TBCK: variants seen among roughly 807,000 people sequenced by gnomAD.
TBCK encodes the protein TBC domain-containing protein kinase-like protein.
A neutral mutation model predicts 113.4 loss-of-function variants in TBCK; 99 were observed. The ratio of observed to expected loss-of-function variants is 0.87; its 90% CI spans 0.74 to 1.03. The LOEUF (loss-of-function observed/expected upper bound fraction) is 1.03, where lower values mean the gene tolerates loss of function less well. Among genes scored for constraint, TBCK ranks in the 50% least tolerant of loss-of-function variants. The probability of loss-of-function intolerance (pLI) is 0.00; values close to 1 mark genes in which losing one functional copy is unlikely to be tolerated. For synonymous variants in TBCK, 369 were observed against 370.8 expected (o/e 1.00, Z 0.05); for missense variants, 1,045 against 1,061.3 (o/e 0.98, Z 0.21).
chr4:106,219,204 A>G (rs1218003149), intron 19 of TBCK, among the ~76,000 whole-genome samples: 1 of 111,020 alleles, frequency 9.0e-6, no homozygotes. Context: ...GGAACATCAC[A>G]CTCTGGGGCC....
chr4:106,192,831 AGT>A (rs1473352642), intron 22 of TBCK, among the ~76,000 whole-genome samples: 2 of 152,020 alleles, frequency 1.3e-5, no homozygotes, highest in African/African-American at 4.8e-5. Context: ...GATAATTTTA[AGT>A]GTGTTTATTA....
rs73836957 is a variant in TBCK at position 106,054,380 on chromosome 4, C to T, written c.2572-7700G>A. On this transcript the variant is annotated intron_variant, in intron 25 of 25. Transcript: ENST00000394708. Reference sequence around the variant, plus strand: ...AGAATGATTCTCTTAAAATATGAGTCGGATGATATAACACCCTTTGTTCCA... The same window carrying T: ...AGAATGATTCTCTTAAAATATGAGTTGGATGATATAACACCCTTTGTTCCA... Among the ~76,000 whole-genome samples, 1,301 of 151,694 alleles carry T rather than the reference C, an allele frequency of 8.6e-3. 13 individuals are homozygous for T. The highest frequency in any genetic ancestry group is 0.017 in the African/African-American group (724 of 41,474).
At chr4:106,122,189 G>T (rs1379195751) in intron 23 of TBCK, among the ~76,000 whole-genome samples, 1 of 150,958 alleles carries the variant, frequency 6.6e-6, no homozygotes, top group South Asian at 2.1e-4. Context: ...ATGATAAAGG[G>T]GATATCACCA....
At chr4:106,169,449 T>G (rs879426731) in intron 23 of TBCK, among the ~76,000 whole-genome samples, 1 of 152,086 alleles carries the variant, frequency 6.6e-6, no homozygotes, top group Admixed American at 6.6e-5. Context: ...AAAGTCAGTC[T>G]TTTTAACAAA....
intron 3 of TBCK, among the ~76,000 whole-genome samples, chr4:106,286,951 TA>T (rs1219520888): frequency 6.6e-6 from 1 of 152,034 alleles, no homozygotes; most frequent in Non-Finnish European, 1.5e-5. Context: ...AACGGAAATT[TA>T]TCTTTTGAAT....
In TBCK at chr4:106,247,250, T is replaced by A. The variant is rs760474795; in HGVS notation, c.820A>T (p.Ser274Cys). 1.2e-6 allele frequency: 2 copies of A among 1,612,408 alleles called. No homozygotes were observed. The highest frequency in any genetic ancestry group is 1.3e-5 in the African/African-American group (1 of 74,876). Residue 274 changes from serine to cysteine, a missense_variant, in exon 10 of 26, where the codon AGT becomes TGT. Physicochemically the swap from Ser to Cys is moderately radical, Grantham distance 112. Coordinates refer to ENST00000394708, the MANE Select transcript of TBCK (RefSeq NM_001163435.3). The part of the protein sequence containing the change: ...PDQLMKDKVF[S>C]EVSPLYTPFT... ...GGGGTATATAAAGGTGATACCTCAC[T>A]GAATACTTTGTCCTTCATTAATTGA... is the stretch of plus-strand genomic sequence containing the variant.
chr4:106,073,462 C>T (rs1737750048), intron 25 of TBCK, among the ~76,000 whole-genome samples: 1 of 152,208 alleles, frequency 6.6e-6, no homozygotes, highest in African/African-American at 2.4e-5. Context: ...ACAGCAAATA[C>T]TGCTGCCTGA....
chr4:106,265,145 C>A (rs967299792), intron 3 of TBCK, among the ~76,000 whole-genome samples: 2 of 151,920 alleles, frequency 1.3e-5, no homozygotes, highest in Non-Finnish European at 2.9e-5. Context: ...GAAATATTCA[C>A]AAGGAAAATT....
At chr4:106,174,236 G>GT (rs1050623710) in intron 22 of TBCK, among the ~76,000 whole-genome samples, 5 of 151,934 alleles carry the variant, frequency 3.3e-5, no homozygotes, top group African/African-American at 1.2e-4. Flanking sequence ...AACTTTTTGG[G>GT]TAAGACATTA....
intron 22 of TBCK, among the ~76,000 whole-genome samples, chr4:106,180,478 A>G (rs1579149004): frequency 6.6e-6 from 1 of 151,830 alleles, no homozygotes; most frequent in Non-Finnish European, 1.5e-5. Context: ...GGTGGTCTGC[A>G]GCACCCATCA....
At chr4:106,309,016 G>T in intron 1 of TBCK, 27 bp from the exon 2 acceptor site, 1 of 1,480,926 alleles carries the variant, frequency 6.8e-7, no homozygotes, top group South Asian at 1.3e-5. Context: ...TTTTAGGACA[G>T]ACCAAACATT....
chr4:106,304,367 A>G (rs1229201807), intron 2 of TBCK, among the ~76,000 whole-genome samples: 1 of 152,214 alleles, frequency 6.6e-6, no homozygotes, highest in East Asian at 1.9e-4. Flanking sequence ...AGATCAGATC[A>G]GAGATCTCAG....
chr4:106,307,822 G>A (rs1352774346), intron 2 of TBCK, among the ~76,000 whole-genome samples: 1 of 151,912 alleles, frequency 6.6e-6, no homozygotes, highest in Admixed American at 6.6e-5. Flanking sequence ...GAATCTTTAA[G>A]TGGAGAATGA....
chr4:106,278,554 G>A lies in TBCK; in HGVS notation c.267-16342C>T, dbSNP rs1304599133. On this transcript the variant is annotated intron_variant, in intron 3 of 25. Coordinates refer to ENST00000394708, the MANE Select transcript of TBCK (RefSeq NM_001163435.3). ...ATCCTGGGCAACAGAGTGAAACTCT[G>A]TCTCAAAAAAAAAAAAAAAAAAAAA... Among the ~76,000 whole-genome samples the A allele has an allele frequency of 9.7e-5, 8 of 82,456 alleles. No individual in the cohort carries two copies. In the East Asian group the frequency reaches 3.1e-3, roughly 32 times the overall value. The allele number at this position is 82,456 out of a possible 152,430, so 54.1% of individuals were successfully genotyped here.
intron 2 of TBCK, among the ~76,000 whole-genome samples, chr4:106,296,180 T>C (rs1178670921): frequency 6.6e-6 from 1 of 152,158 alleles, no homozygotes; most frequent in Non-Finnish European, 1.5e-5. Flanking sequence ...TGATGCTTGA[T>C]AATGAATCTA....
chr4:106,096,967 T>C (rs1002271174), intron 24 of TBCK, among the ~76,000 whole-genome samples: 4 of 152,204 alleles, frequency 2.6e-5, no homozygotes, highest in Admixed American at 2.6e-4. Flanking sequence ...AGTACCCATC[T>C]ATATCTAAAT....
rs1228165827 is a variant in TBCK at position 106,244,719 on chromosome 4, T to C, written c.977A>G (p.Tyr326Cys). ...YLAERSIEEVYYLWCLAGGDL... is the reference protein window; with the variant it reads ...YLAERSIEEVCYLWCLAGGDL... Reference sequence around the variant, plus strand: ...ACCTCCAGCCAAACACCAAAGGTAATACACTTCTTCAATAGATCTTTCTGC... The same window carrying C: ...ACCTCCAGCCAAACACCAAAGGTAACACACTTCTTCAATAGATCTTTCTGC... Residue 326 changes from tyrosine (Y) to cysteine (C), a missense_variant, in exon 11 of 26, where the codon TAT becomes TGT. By Grantham distance (194) the Tyr-to-Cys change is radical. Transcript: ENST00000394708. 3 of 1,604,822 alleles carry C rather than the reference T, an allele frequency of 1.9e-6. No homozygotes were observed. The East Asian group carries it at 6.7e-5, about 36-fold the overall frequency.
chr4:106,044,209 T>C lies in TBCK; in HGVS notation c.*2361A>G, dbSNP rs1734019086. On this transcript the variant is annotated 3_prime_UTR_variant, in exon 26 of 26. Coordinates refer to ENST00000394708, the MANE Select transcript of TBCK (RefSeq NM_001163435.3). ...AATCACTGCCCCTCCATCCCTCTCT[T>C]CTCTGCTTTCTCAGTAAGGCAGAGT... 1 of 152,012 alleles carries C rather than the reference T, an allele frequency of 6.6e-6. No individual in the cohort carries two copies. Among genetic ancestry groups the C allele is most frequent in the South Asian group, 2.1e-4 (1 of 4,834 alleles). The allele number at this position is 152,012 out of a possible 1,614,324, so 9.4% of individuals were successfully genotyped here.
intron 22 of TBCK, among the ~76,000 whole-genome samples, chr4:106,181,123 G>C (rs954955634): frequency 2.0e-5 from 3 of 152,110 alleles, no homozygotes; most frequent in Non-Finnish European, 4.4e-5. Flanking sequence ...GACCAGTGAT[G>C]ATGAGCATTT....
Sources: allele counts gnomAD v4.1 joint callset (sites outside exome capture counted in the v4.1 genomes callset), GRCh38; gene constraint gnomAD v4.1.1; transcripts MANE v1.5; gene names NCBI Gene and HGNC (gene_info 2026-07-23, HGNC 2026-07-21).